The following FRMD3 variants were observed in gnomAD, a reference collection of about 807,000 sequenced individuals.
FRMD3 encodes FERM domain-containing protein 3.
A neutral mutation model predicts 70.2 loss-of-function variants in FRMD3; 33 were observed. The ratio of observed to expected loss-of-function variants is 0.47; its 90% CI spans 0.36 to 0.63. The LOEUF is 0.63. Ranked by LOEUF, FRMD3 falls within the 20% of genes least tolerant of loss-of-function variation. The probability of loss-of-function intolerance (pLI) is 0.00; values close to 1 mark genes in which losing one functional copy is unlikely to be tolerated. For synonymous variants in FRMD3, 279 were observed against 255.9 expected (o/e 1.09, Z -0.86); for missense variants, 632 against 711.4 (o/e 0.89, Z 1.27).
Position 83,309,535 on chromosome 9 carries a change from C to A in FRMD3, c.926+1G>T. The A allele has an allele frequency of 6.4e-7, 1 of 1,572,302 alleles. No homozygotes were observed. The highest frequency in any genetic ancestry group is 8.6e-7 in the Non-Finnish European group (1 of 1,156,840). ...TAATTAAATGAATAAAAGCCACTTA[C>A]TTATAAAAGGCCTGGTTTTCCACTC... On this transcript the variant is annotated splice_donor_variant, in intron 10 of 13. Transcript: ENST00000304195. LOFTEE classifies it high-confidence loss of function.
At chr9:83,451,335 T>A (rs1415562689) in intron 1 of FRMD3, among the ~76,000 whole-genome samples, 2 of 151,224 alleles carry the variant, frequency 1.3e-5, no homozygotes, top group East Asian at 3.9e-4. Flanking sequence ...TAGATAGAAA[T>A]GTTAAACTGC....
the FRMD3 span, among the ~76,000 whole-genome samples, chr9:83,585,106 G>A: frequency 6.6e-6 from 1 of 152,098 alleles, no homozygotes; most frequent in Admixed American, 6.5e-5. Context: ...GCTATGTCTG[G>A]GTTGTAAACT....
chr9:83,482,084 TTC>T (rs1376484695), intron 1 of FRMD3, among the ~76,000 whole-genome samples: 1 of 152,210 alleles, frequency 6.6e-6, no homozygotes, highest in African/African-American at 2.4e-5. Flanking sequence ...CCAGGAAATC[TTC>T]TTTTATGGCT....
chr9:83,368,849 T>C (rs1414215238), intron 3 of FRMD3, among the ~76,000 whole-genome samples: 2 of 152,104 alleles, frequency 1.3e-5, no homozygotes, highest in Admixed American at 6.6e-5. Flanking sequence ...GATCTACTTA[T>C]TCTATTTCTA....
At chr9:83,577,292 A>T in the FRMD3 span, among the ~76,000 whole-genome samples, 2 of 152,188 alleles carry the variant, frequency 1.3e-5, no homozygotes, top group South Asian at 4.1e-4. Flanking sequence ...AAGTTGTAGG[A>T]TGCACACTTT....
chr9:83,287,392 C>T (rs1028707620), intron 13 of FRMD3, among the ~76,000 whole-genome samples: 4 of 152,194 alleles, frequency 2.6e-5, no homozygotes, highest in African/African-American at 9.6e-5. Flanking sequence ...GGTTGAAAAA[C>T]TCTGCTCCAG....
intron 1 of FRMD3, among the ~76,000 whole-genome samples, chr9:83,424,887 G>C (rs146445354): frequency 1.5e-3 from 222 of 152,276 alleles, no homozygotes; most frequent in African/African-American, 5.2e-3. Context: ...AAACTGCCTG[G>C]GGTTCACCCA....
In FRMD3 at chr9:83,351,064, G is replaced by A. The variant is rs1824138670; in HGVS notation, c.296-1307C>T. On this transcript the variant is annotated intron_variant, in intron 3 of 13. Transcript: ENST00000304195. The stretch of plus-strand genomic sequence containing the variant: ...TCAGTCTACATCCAAATGTGAATAT[G>A]AAACAACATCCTATTTTACCCAAAT... The A allele has an allele frequency of 3.9e-6, 3 of 771,016 alleles. No homozygotes were observed. In the South Asian group the frequency reaches 1.8e-4, roughly 45 times the overall value. The allele number at this position is 771,016 out of a possible 1,614,324, so 47.8% of individuals were successfully genotyped here. A position where few individuals can be genotyped will look rare whatever the true frequency, so the allele number is the denominator to read the frequency against.
chr9:83,510,256 G>T (rs1435624693), intron 1 of FRMD3, among the ~76,000 whole-genome samples: 1 of 152,204 alleles, frequency 6.6e-6, no homozygotes, highest in Non-Finnish European at 1.5e-5. Flanking sequence ...AGGAAAAAAT[G>T]TATAGTCAAG....
chr9:83,561,771 G>A, the FRMD3 span, among the ~76,000 whole-genome samples: 2 of 152,306 alleles, frequency 1.3e-5, no homozygotes, highest in Non-Finnish European at 2.9e-5. Context: ...GACATGAATA[G>A]GGTAGGGAAA....
intron 1 of FRMD3, among the ~76,000 whole-genome samples, chr9:83,494,833 A>ATG (rs377201441): frequency 0.14 from 21,104 of 149,194 alleles, 1,692 homozygotes; most frequent in Admixed American, 0.23. Context: ...CTGTGCATTT[A>ATG]TGTGTGTGTG....
chr9:83,252,170 A>T (rs1010087805), intron 13 of FRMD3, among the ~76,000 whole-genome samples: 4 of 151,576 alleles, frequency 2.6e-5, no homozygotes, highest in African/African-American at 9.7e-5. Flanking sequence ...GACTAACAGC[A>T]GCTCAGCAGA....
chr9:83,409,278 T>C (rs774364994), intron 1 of FRMD3, among the ~76,000 whole-genome samples: 2 of 152,200 alleles, frequency 1.3e-5, no homozygotes, highest in Non-Finnish European at 2.9e-5. Flanking sequence ...CAATATTGCA[T>C]GTTACTGTTC....
intron 12 of FRMD3, among the ~76,000 whole-genome samples, chr9:83,296,103 G>A (rs753450068): frequency 3.9e-5 from 6 of 152,068 alleles, no homozygotes; most frequent in Non-Finnish European, 7.4e-5. Flanking sequence ...ACCTCTGAAC[G>A]CCCACCACAA....
At chr9:83,542,165 G>T (rs149260145), upstream of FRMD3, among the ~76,000 whole-genome samples, 667 of 152,226 alleles carry the variant, frequency 4.4e-3, 2 homozygotes, top group African/African-American at 0.015. Context: ...AAGTGGCAAT[G>T]GGTGAGATTA....
intron 1 of FRMD3, among the ~76,000 whole-genome samples, chr9:83,517,727 G>A (rs570737027): frequency 5.3e-5 from 8 of 152,144 alleles, no homozygotes; most frequent in South Asian, 2.1e-4. Flanking sequence ...ACATTGATGC[G>A]AAAATCCTCA....
chr9:83,552,661 C>T, the FRMD3 span, among the ~76,000 whole-genome samples: 5 of 152,112 alleles, frequency 3.3e-5, no homozygotes, highest in East Asian at 1.9e-4. Context: ...GTGTTGGGTA[C>T]ATATATATCA....
At chr9:83,286,041 G>T (rs1002347834) in intron 13 of FRMD3, among the ~76,000 whole-genome samples, 1 of 152,148 alleles carries the variant, frequency 6.6e-6, no homozygotes, top group African/African-American at 2.4e-5. Context: ...TCCTCCAGCT[G>T]TCATATGGCT....
Position 83,246,677 on chromosome 9 carries a change from A to ACG in FRMD3, c.*1240_*1241insCG. 1.0e-6 allele frequency: 1 copy of ACG among 981,284 alleles called. No homozygotes were observed. Among genetic ancestry groups the ACG allele is most frequent in the East Asian group, 1.1e-4 (1 of 8,734 alleles). The allele number at this position is 981,284 out of a possible 1,614,324, so 60.8% of individuals were successfully genotyped here. A position where few individuals can be genotyped will look rare whatever the true frequency, so the allele number is the denominator to read the frequency against. ...CTCTCTCTCTCTCTCTCTCACACACACACACACGCACACTCACATACAAAC... is the reference window on the plus strand; with the variant it reads ...CTCTCTCTCTCTCTCTCTCACACACACGCACACACGCACACTCACATACAAAC... On this transcript the variant is annotated 3_prime_UTR_variant, in exon 14 of 14. Transcript: ENST00000304195.
Sources: allele counts gnomAD v4.1 joint callset (sites outside exome capture counted in the v4.1 genomes callset), GRCh38; gene constraint gnomAD v4.1.1; transcripts MANE v1.5; gene names NCBI Gene and HGNC (gene_info 2026-07-23, HGNC 2026-07-21).